The following DENND10 variants were observed in gnomAD, a reference collection of about 807,000 sequenced individuals.
DENND10 encodes the protein DENN domain containing 10, also known as DENN domain-containing protein 10.
In DENND10, 24 loss-of-function variants were observed where a neutral mutation model predicts 43.6. The ratio of observed to expected loss-of-function variants is 0.55; its 90% CI spans 0.40 to 0.77. DENND10 has a LOEUF of 0.77. Among genes scored for constraint, DENND10 ranks in the 30% least tolerant of loss-of-function variants. DENND10 has a pLI of 0.00. For missense variants in DENND10, 303 were observed against 429.9 expected, an observed-to-expected ratio of 0.70 and a Z score of 2.61; for synonymous variants, 125 against 157.6, an observed-to-expected ratio of 0.79 and a Z score of 1.55.
chr10:119,136,082 G>A (rs1171137462), intron 8 of DENND10, among the ~76,000 whole-genome samples: 1 of 152,158 alleles, frequency 6.6e-6, no homozygotes, highest in African/African-American at 2.4e-5. Context: ...GGAGGCTGAG[G>A]TGGGTAGATC....
At chr10:119,128,548 C>T (rs929686785) in intron 6 of DENND10, among the ~76,000 whole-genome samples, 5 of 150,206 alleles carry the variant, frequency 3.3e-5, no homozygotes, top group African/African-American at 7.4e-5. Context: ...GTGGAGGTTG[C>T]GGTGAGCCGA....
intron 6 of DENND10, 52 bp downstream of exon 6, chr10:119,123,621 TTTC>T: frequency 7.5e-7 from 1 of 1,336,318 alleles, no homozygotes; most frequent in Non-Finnish European, 1.1e-6. Flanking sequence ...TTTTTTTTTT[TTTC>T]CTGAGACGGA....
intron 5 of DENND10, among the ~76,000 whole-genome samples, chr10:119,122,738 C>T (rs1407200126): frequency 6.6e-6 from 1 of 152,082 alleles, no homozygotes; most frequent in Non-Finnish European, 1.5e-5. Context: ...AACAAACACA[C>T]TTGGTTTGCG....
chr10:119,129,466 C>A, intron 6 of DENND10, 49 bp from the exon 7 acceptor site: 1 of 1,220,360 alleles, frequency 8.2e-7, no homozygotes, highest in Non-Finnish European at 1.2e-6. Context: ...TTGATGGGTT[C>A]ACCATATTTC....
At chr10:119,134,097 A>C (rs1168014026) in intron 8 of DENND10, 4 of 151,974 alleles carry the variant, frequency 2.6e-5, no homozygotes, top group Non-Finnish European at 5.9e-5. Context: ...GCAGTGGTGC[A>C]ATCTTGGCTC....
At chr10:119,108,521 T>C (rs1219220712) in intron 2 of DENND10, among the ~76,000 whole-genome samples, 1 of 151,820 alleles carries the variant, frequency 6.6e-6, no homozygotes, top group Non-Finnish European at 1.5e-5. Flanking sequence ...TTAAATATTA[T>C]TTTCATTGGG....
At chr10:119,126,489 G>C (rs964352823) in intron 6 of DENND10, among the ~76,000 whole-genome samples, 5 of 151,866 alleles carry the variant, frequency 3.3e-5, no homozygotes, top group African/African-American at 7.3e-5. Context: ...TTTTGAGACA[G>C]AGTCTCCCTC....
intron 4 of DENND10, among the ~76,000 whole-genome samples, chr10:119,119,317 T>C (rs1352779319): frequency 6.6e-6 from 1 of 152,086 alleles, no homozygotes; most frequent in Admixed American, 6.6e-5. Context: ...AATTTTTGTA[T>C]TTTTAGTAGA....
At chr10:119,129,674 A>G (rs533068133) in intron 7 of DENND10, 52 bp downstream of exon 7, 1 of 1,314,432 alleles carries the variant, frequency 7.6e-7, no homozygotes, top group Admixed American at 1.7e-5. Context: ...ACAGTTGTAC[A>G]TTTTTAGGCT....
At chr10:119,109,373 G>C (rs7907441) in intron 2 of DENND10, among the ~76,000 whole-genome samples, 1,799 of 152,198 alleles carry the variant, frequency 0.012, 38 homozygotes, top group African/African-American at 0.041. Context: ...CAACCAGCAG[G>C]TTTTTTCAAA....
intron 2 of DENND10, 137 bp from the exon 3 acceptor site, chr10:119,111,712 G>A (rs1413585787): frequency 4.8e-6 from 3 of 626,150 alleles, no homozygotes; most frequent in Non-Finnish European, 8.4e-6. Context: ...AAAGAAGCAA[G>A]TGAGGACTTG....
chr10:119,130,557 C>T (rs2133528220), intron 7 of DENND10, among the ~76,000 whole-genome samples: 2 of 152,332 alleles, frequency 1.3e-5, no homozygotes, highest in Admixed American at 1.3e-4. Flanking sequence ...CTCAGCCTCT[C>T]AAAGTGCTGG....
At chr10:119,117,347 G>C (rs562396525) in intron 3 of DENND10, among the ~76,000 whole-genome samples, 172 bp from the exon 4 acceptor site, 1 of 151,986 alleles carries the variant, frequency 6.6e-6, no homozygotes, top group Non-Finnish European at 1.5e-5. Context: ...ACTCCAGCCC[G>C]GGCGACAGAG....
At chr10:119,123,115 A>G (rs1351669723) in intron 5 of DENND10, among the ~76,000 whole-genome samples, 9 of 152,094 alleles carry the variant, frequency 5.9e-5, no homozygotes, top group Non-Finnish European at 1.5e-5. Flanking sequence ...TAAAAATACA[A>G]ACATTAACCG....
At chr10:119,104,263 G>C in intron 1 of DENND10, 66 bp downstream of exon 1, 1 of 1,408,892 alleles carries the variant, frequency 7.1e-7, no homozygotes, top group South Asian at 1.4e-5. Context: ...ACCTCGGCCC[G>C]GGGCAGCCCG....
At chr10:119,123,209 C>T (rs1313478371) in intron 5 of DENND10, among the ~76,000 whole-genome samples, 1 of 152,178 alleles carries the variant, frequency 6.6e-6, no homozygotes, top group Non-Finnish European at 1.5e-5. Flanking sequence ...GTGGAGGTTG[C>T]AGTGAGCCAA....
intron 8 of DENND10, among the ~76,000 whole-genome samples, 153 bp from the exon 9 acceptor site, chr10:119,136,317 TC>T (rs1247639469): frequency 1.3e-5 from 2 of 149,904 alleles, no homozygotes; most frequent in African/African-American, 4.9e-5. Flanking sequence ...TGCCACGGTC[TC>T]CCAAAGTGCT....
intron 6 of DENND10, among the ~76,000 whole-genome samples, chr10:119,126,099 C>T (rs1175152766): frequency 6.6e-6 from 1 of 152,134 alleles, no homozygotes; most frequent in Non-Finnish European, 1.5e-5. Context: ...CATGATGCCT[C>T]CAGTTCCATC....
intron 6 of DENND10, among the ~76,000 whole-genome samples, chr10:119,127,162 C>A (rs1377835003): frequency 4.6e-5 from 7 of 152,014 alleles, no homozygotes; most frequent in Admixed American, 4.6e-4. Flanking sequence ...CCTTGGCCTC[C>A]CAAAGTGCTG....
Sources: allele counts gnomAD v4.1 joint callset (sites outside exome capture counted in the v4.1 genomes callset), GRCh38; gene constraint gnomAD v4.1.1; transcripts MANE v1.5; gene names NCBI Gene and HGNC (gene_info 2026-07-23, HGNC 2026-07-21).